The following TRIM71 variants were observed in gnomAD, a reference collection of about 807,000 sequenced individuals.
TRIM71 encodes the protein tripartite motif containing 71.
TRIM71 carries 9 observed loss-of-function variants against 61.2 expected under a neutral mutation model. The ratio of observed to expected loss-of-function variants is 0.15; its 90% CI spans 0.09 to 0.26. The LOEUF (loss-of-function observed/expected upper bound fraction) is 0.26, where lower values mean the gene tolerates loss of function less well. Among genes scored for constraint, TRIM71 ranks in the 10% least tolerant of loss-of-function variants. The pLI, the probability that TRIM71 is intolerant of heterozygous loss-of-function variation, is 1.00. For synonymous variants in TRIM71, 645 were observed against 553.2 expected, an observed-to-expected ratio of 1.17 and a Z score of -2.33; for missense variants, 998 against 1,238.7, an observed-to-expected ratio of 0.81 and a Z score of 2.92.
At chr3:32,837,158 T>C (rs1665348937) in intron 1 of TRIM71, among the ~76,000 whole-genome samples, 1 of 152,220 alleles carries the variant, frequency 6.6e-6, no homozygotes, top group South Asian at 2.1e-4. Context: ...GCGTGGATAA[T>C]GTAATTGTTC....
rs1038669766 is a variant in TRIM71 at position 32,885,940 on chromosome 3, A to G, written c.1027A>G (p.Ile343Val). ...QQGRQAIQLS[I>V]EQAQTVAEQV... ...TTTCTTTTTGGTTTTCCAGCTGAGC[A>G]TCGAGCAGGCCCAGACGGTGGCGGA... is the stretch of plus-strand genomic sequence containing the variant. The change falls in exon 3 of 4, where the codon ATC (isoleucine) becomes GTC (valine). Residue 343 changes from isoleucine (I) to valine (V), a missense_variant. Transcript: ENST00000383763. The G allele has an allele frequency of 6.2e-7, 1 of 1,611,734 alleles. No homozygotes were observed. Among genetic ancestry groups the G allele is most frequent in the South Asian group, 1.1e-5 (1 of 90,710 alleles).
chr3:32,826,268 A>G (rs546143670), intron 1 of TRIM71, among the ~76,000 whole-genome samples: 1 of 152,270 alleles, frequency 6.6e-6, no homozygotes, highest in African/African-American at 2.4e-5. Flanking sequence ...AGACCAGCCT[A>G]CCAACATGGT....
intron 1 of TRIM71, among the ~76,000 whole-genome samples, chr3:32,846,114 C>T (rs1304786258): frequency 1.1e-4 from 15 of 140,784 alleles, no homozygotes; most frequent in Admixed American, 3.7e-4. Context: ...CTCGCTCTGT[C>T]GCCCAGGCTG....
chr3:32,826,092 T>C (rs1696197862), intron 1 of TRIM71, among the ~76,000 whole-genome samples: 1 of 152,154 alleles, frequency 6.6e-6, no homozygotes, highest in Non-Finnish European at 1.5e-5. Context: ...CCTCATGCTG[T>C]AGATAAATGC....
chr3:32,864,922 T>TA (rs1283242862), intron 1 of TRIM71, among the ~76,000 whole-genome samples: 8 of 151,076 alleles, frequency 5.3e-5, no homozygotes, highest in Non-Finnish European at 1.0e-4. Context: ...GTGCTAATTT[T>TA]AGCTCAACAT....
Position 32,818,878 on chromosome 3 carries a change from C to G in TRIM71, c.798C>G (p.Ser266=), listed in dbSNP as rs1419245841. The change falls in exon 1 of 4, where the codon TCC becomes TCG. Residue 266 remains serine (S), a synonymous_variant. Transcript: ENST00000383763. The part of the protein sequence containing the change: ...LGPPFPGPPF[S]ILSVFPERLG... ...CGCCCTTTCCCGGCCCGCCCTTCTC[C>G]ATCCTCTCAGTGTTTCCCGAGCGCC... is the stretch of plus-strand genomic sequence containing the variant. 1.9e-6 allele frequency: 3 copies of G among 1,612,682 alleles called. No individual in the cohort carries two copies. In the South Asian group the frequency reaches 3.3e-5, roughly 18 times the overall value.
intron 1 of TRIM71, among the ~76,000 whole-genome samples, chr3:32,859,988 G>A (rs1201724036): frequency 1.3e-5 from 2 of 152,140 alleles, no homozygotes; most frequent in Admixed American, 6.5e-5. Context: ...CTGCCACCCA[G>A]TTCTGTTCCC....
At chr3:32,826,684 G>A (rs1249259650) in intron 1 of TRIM71, among the ~76,000 whole-genome samples, 1 of 138,008 alleles carries the variant, frequency 7.2e-6, no homozygotes, top group Admixed American at 8.0e-5. Context: ...GACCTCAAAT[G>A]GTCCACCCAC....
At position 32,891,864 on chromosome 3, in the gene TRIM71, C is replaced by A; in HGVS notation, c.*53C>A. On this transcript the variant is annotated 3_prime_UTR_variant, in exon 4 of 4. Transcript: ENST00000383763. The surrounding 1 kb of genome is among the most constrained non-coding windows in gnomAD (Gnocchi z 8.2). Reference sequence around the variant, plus strand: ...GGTGTGTGTGCGTGTCTCTCTCTCTCTCTCTCTCTTTCTCTTTCTCTCTCT... The same window carrying A: ...GGTGTGTGTGCGTGTCTCTCTCTCTATCTCTCTCTTTCTCTTTCTCTCTCT... The A allele has an allele frequency of 1.3e-6, 2 of 1,575,726 alleles. No homozygotes were observed. The highest frequency in any genetic ancestry group is 2.3e-5 in the South Asian group (2 of 86,000).
intron 1 of TRIM71, among the ~76,000 whole-genome samples, chr3:32,864,574 T>A (rs1465592408): frequency 6.6e-6 from 1 of 152,110 alleles, no homozygotes; most frequent in Admixed American, 6.6e-5. Flanking sequence ...GGAGGACGTG[T>A]TGTTTATTCG....
At chr3:32,885,797 C>A in intron 2 of TRIM71, 137 bp from the exon 3 acceptor site, 1 of 1,222,872 alleles carries the variant, frequency 8.2e-7, no homozygotes, top group Non-Finnish European at 1.1e-6. Flanking sequence ...GCCTGTTTTC[C>A]TTCCAAGGGA....
intron 1 of TRIM71, among the ~76,000 whole-genome samples, chr3:32,833,634 T>TTTTA (rs572371235): frequency 0.22 from 32,646 of 146,672 alleles, 3,790 homozygotes; most frequent in South Asian, 0.25. Context: ...GAGAATGCTT[T>TTTTA]TTTATTTATT....
chr3:32,884,239 C>G (rs940539891), intron 2 of TRIM71, among the ~76,000 whole-genome samples: 7 of 152,180 alleles, frequency 4.6e-5, no homozygotes, highest in Admixed American at 3.3e-4. Flanking sequence ...GCATTAGCCT[C>G]TGTGCCTGGC....
rs1559552077 is a variant in TRIM71 at position 32,890,441 on chromosome 3, A to G, written c.1237A>G (p.Ser413Gly). The G allele has an allele frequency of 1.2e-6, 2 of 1,614,170 alleles. No individual in the cohort carries two copies. Among genetic ancestry groups the G allele is most frequent in the Non-Finnish European group, 1.7e-6 (2 of 1,180,034 alleles). ...KLRQNLNKLE[S>G]TISAVQQVLE... ...GCGGCAAAACCTCAACAAGCTTGAG[A>G]GCACCATCAGTGCCGTGCAGCAGGT... is the stretch of plus-strand genomic sequence containing the variant. The change falls in exon 4 of 4, where the codon AGC (serine) becomes GGC (glycine). Residue 413 changes from serine to glycine, a missense_variant. Around this residue, in one of 5 missense-constraint regions of TRIM71, gnomAD observed 291 missense variants for 431.2 expected, o/e 0.67. Coordinates refer to ENST00000383763, the MANE Select transcript of TRIM71 (RefSeq NM_001039111.3). This position sits in a 1 kb window ranked among gnomAD's most constrained non-coding sequence, Gnocchi z 6.2.
intron 1 of TRIM71, among the ~76,000 whole-genome samples, chr3:32,862,481 CTGT>C (rs1696682261): frequency 6.6e-6 from 1 of 152,226 alleles, no homozygotes; most frequent in South Asian, 2.1e-4. Flanking sequence ...CAGGTGTACA[CTGT>C]TGCCCGCTGT....
At chr3:32,889,237 G>A (rs1207665888) in intron 3 of TRIM71, among the ~76,000 whole-genome samples, 1 of 152,060 alleles carries the variant, frequency 6.6e-6, no homozygotes, top group Admixed American at 6.6e-5. Context: ...ACACTCCTTT[G>A]TCAAATGGCT....
In TRIM71 at chr3:32,819,872, CG is replaced by C. The variant is rs1331107279; in HGVS notation, c.852+942del. On this transcript the variant is annotated intron_variant, in intron 1 of 3. Coordinates refer to ENST00000383763, the MANE Select transcript of TRIM71 (RefSeq NM_001039111.3). ...AGGCAGCCGTACGCTGCTGGAACGCCGGAGTGCAAAGGCTTTTAGGGCTACA... is the reference window on the plus strand; with the variant it reads ...AGGCAGCCGTACGCTGCTGGAACGCCGAGTGCAAAGGCTTTTAGGGCTACA... Among the ~76,000 whole-genome samples, 7 of 152,368 alleles carry C rather than the reference CG, an allele frequency of 4.6e-5. 1 individual carries two copies. The Middle Eastern group carries it at 0.01, about 222-fold the overall frequency.
intron 1 of TRIM71, among the ~76,000 whole-genome samples, chr3:32,859,383 C>A (rs765394823): frequency 6.6e-6 from 1 of 152,144 alleles, no homozygotes; most frequent in South Asian, 2.1e-4. Flanking sequence ...CCTCAGCCTC[C>A]CAAGAAGCTG....
At position 32,818,119 on chromosome 3, in the gene TRIM71, G is replaced by A. The variant is rs759703692; in HGVS notation, c.39G>A (p.Leu13=). ...CCGAGACCGATTTCCAGATCTGCTT[G>A]CTGTGCAAGGAGATGTGCGGCTCGC... is the stretch of plus-strand genomic sequence containing the variant. ...SFPETDFQIC[L]LCKEMCGSPA... Residue 13 remains leucine, a synonymous_variant, in exon 1 of 4, where the codon TTG becomes TTA. Transcript: ENST00000383763. 1.2e-6 allele frequency: 2 copies of A among 1,612,594 alleles called. No individual in the cohort carries two copies. Among genetic ancestry groups the A allele is most frequent in the East Asian group, 4.5e-5 (2 of 44,582 alleles).
Sources: gnomAD v4.1 joint callset for allele counts (sites outside exome capture counted in the v4.1 genomes callset) on GRCh38, gnomAD v4.1.1 for gene constraint, gnomAD v4.1.1 regional missense constraint, Gnocchi (gnomAD v3.1) non-coding constraint, MANE v1.5 for transcripts, NCBI Gene and HGNC (gene_info 2026-07-23, HGNC 2026-07-21) for gene names.